Variants in TSPAN5 observed in about 807,000 individuals in gnomAD.
TSPAN5 encodes the protein tetraspanin-5.
TSPAN5 carries 10 observed loss-of-function variants against 37.1 expected under a neutral mutation model. That is an observed-to-expected ratio of 0.27 (90% CI 0.17 to 0.46). TSPAN5 has a LOEUF of 0.46. Among genes scored for constraint, TSPAN5 ranks in the 20% least tolerant of loss-of-function variants. The probability of loss-of-function intolerance (pLI) is 1.00; values close to 1 mark genes in which losing one functional copy is unlikely to be tolerated. For synonymous variants in TSPAN5, 110 were observed against 118.9 expected (o/e 0.93, Z 0.48); for missense variants, 195 against 326.6 (o/e 0.60, Z 3.11).
intron 1 of TSPAN5, among the ~76,000 whole-genome samples, chr4:98,566,155 A>G (rs1578996809): frequency 1.3e-5 from 2 of 152,290 alleles, no homozygotes; most frequent in East Asian, 3.9e-4. Flanking sequence ...AACTGAGATT[A>G]TGAGTCCTTA....
chr4:98,529,952 A>G (rs893309115), intron 1 of TSPAN5, among the ~76,000 whole-genome samples: 4 of 152,248 alleles, frequency 2.6e-5, no homozygotes, highest in Non-Finnish European at 5.9e-5. Context: ...AAGAATCTAC[A>G]CTGCCATAGA....
At chr4:98,572,968 G>C (rs959745549) in intron 1 of TSPAN5, among the ~76,000 whole-genome samples, 4 of 152,142 alleles carry the variant, frequency 2.6e-5, no homozygotes, top group Non-Finnish European at 5.9e-5. Flanking sequence ...CTGTCTCTAA[G>C]TCCTCATAAA....
At chr4:98,494,941 C>A (rs972034910) in intron 2 of TSPAN5, among the ~76,000 whole-genome samples, 1 of 152,046 alleles carries the variant, frequency 6.6e-6, no homozygotes, top group South Asian at 2.1e-4. Flanking sequence ...GAAGCTGAAG[C>A]CAGGAGTAGG....
rs1489321722 is a variant in TSPAN5 at position 98,482,137 on chromosome 4, G to A, written c.318C>T (p.Leu106=). The A allele has an allele frequency of 3.1e-6, 5 of 1,613,918 alleles. No individual in the cohort carries two copies. The highest frequency in any genetic ancestry group is 4.2e-6 in the Non-Finnish European group (5 of 1,180,006). Residue 106 remains leucine (L), a synonymous_variant, in exon 4 of 8, where the codon CTC becomes CTT. Coordinates refer to ENST00000305798, the MANE Select transcript of TSPAN5 (RefSeq NM_005723.4). ...VFLGIIFFLE[L]TAGVLAFVFK... ...AAACAAATGCTAGAACTCCGGCAGT[G>A]AGCTCCAGGAAGAAAATAATTCCCA...
chr4:98,623,835 A>T (rs1297850724), intron 1 of TSPAN5, among the ~76,000 whole-genome samples: 1 of 152,168 alleles, frequency 6.6e-6, no homozygotes, highest in East Asian at 1.9e-4. Flanking sequence ...ACATGCACAC[A>T]TACATATATA....
chr4:98,621,492 C>T (rs1001336253), intron 1 of TSPAN5, among the ~76,000 whole-genome samples: 3 of 151,684 alleles, frequency 2.0e-5, no homozygotes, highest in Non-Finnish European at 4.4e-5. Context: ...CTCAGCCTCC[C>T]GAGTAGCTGG....
intron 1 of TSPAN5, among the ~76,000 whole-genome samples, chr4:98,602,308 CA>C (rs922727155): frequency 7.9e-5 from 12 of 152,156 alleles, no homozygotes; most frequent in Admixed American, 2.6e-4. Context: ...CACAATAAAA[CA>C]AAGCATTCCT....
chr4:98,600,906 A>G (rs1755867991), intron 1 of TSPAN5, among the ~76,000 whole-genome samples: 2 of 152,228 alleles, frequency 1.3e-5, no homozygotes, highest in African/African-American at 4.8e-5. Context: ...TTCTTAAATA[A>G]TAAGACTTGA....
intron 1 of TSPAN5, among the ~76,000 whole-genome samples, chr4:98,536,539 C>T (rs1754237648): frequency 6.6e-6 from 1 of 152,208 alleles, no homozygotes; most frequent in African/African-American, 2.4e-5. Context: ...CTGGGAGGTC[C>T]GCTGCTCTCT....
At chr4:98,492,933 A>G (rs1369530785) in intron 2 of TSPAN5, among the ~76,000 whole-genome samples, 1 of 152,160 alleles carries the variant, frequency 6.6e-6, no homozygotes, top group Non-Finnish European at 1.5e-5. Context: ...AAATCAATAC[A>G]TTGGGAGGCC....
chr4:98,580,855 GGACAAGGCT>G (rs139471518), intron 1 of TSPAN5, among the ~76,000 whole-genome samples: 5,227 of 152,188 alleles, frequency 0.034, 138 homozygotes, highest in East Asian at 0.076. Context: ...GGGCTACAAA[GGACAAGGCT>G]GACAGAGTCT....
rs960790899 is a variant in TSPAN5, at chr4:98,658,372, G to C, written c.-146C>G. The C allele has an allele frequency of 1.6e-5, 9 of 570,450 alleles. No individual in the cohort carries two copies. In the African/African-American group the frequency reaches 1.8e-4, roughly 11 times the overall value. The allele number at this position is 570,450 out of a possible 1,614,324, so 35.3% of individuals were successfully genotyped here. ...GGCGGCCTGGGCTCAGCCGCGCGGG[G>C]ACCGACCGGCGGAGAGCGGCTCCCG... On this transcript the variant is annotated 5_prime_UTR_variant, in exon 1 of 8. Coordinates refer to ENST00000305798, the MANE Select transcript of TSPAN5 (RefSeq NM_005723.4).
At chr4:98,535,438 G>A (rs1334389512) in intron 1 of TSPAN5, among the ~76,000 whole-genome samples, 2 of 152,100 alleles carry the variant, frequency 1.3e-5, no homozygotes, top group Admixed American at 1.3e-4. Context: ...TGGGTAACCT[G>A]ACCTTTCTCT....
chr4:98,562,622 C>T (rs1486064961), intron 1 of TSPAN5, among the ~76,000 whole-genome samples: 1 of 152,126 alleles, frequency 6.6e-6, no homozygotes, highest in South Asian at 2.1e-4. Context: ...GATCGCGCCA[C>T]TGCACTCCAG....
At chr4:98,545,365 T>C (rs762367564) in intron 1 of TSPAN5, among the ~76,000 whole-genome samples, 1 of 152,250 alleles carries the variant, frequency 6.6e-6, no homozygotes, top group African/African-American at 2.4e-5. Context: ...CGTCAATCAG[T>C]AAATTCCTAT....
At chr4:98,540,175 A>G (rs926655843) in intron 1 of TSPAN5, among the ~76,000 whole-genome samples, 1 of 152,238 alleles carries the variant, frequency 6.6e-6, no homozygotes, top group Non-Finnish European at 1.5e-5. Context: ...ATAGCAATAG[A>G]TAACTCATAC....
intron 2 of TSPAN5, among the ~76,000 whole-genome samples, chr4:98,505,080 C>T (rs1232042249): frequency 1.3e-5 from 2 of 152,050 alleles, no homozygotes; most frequent in Non-Finnish European, 2.9e-5. Context: ...ACCTAATTAC[C>T]TCCCCGCCAA....
Position 98,472,348 on chromosome 4 carries a change from T to C in TSPAN5, c.*174A>G. On this transcript the variant is annotated 3_prime_UTR_variant, in exon 8 of 8. Transcript: ENST00000305798. The stretch of plus-strand genomic sequence containing the variant: ...CATACTGGTTATTTTTTTTTTTAAT[T>C]CTGTCAGTGAGCAGCATTTCCCAGT... The C allele has an allele frequency of 2.1e-6, 1 of 484,046 alleles. No homozygotes were observed. The highest frequency in any genetic ancestry group is 3.6e-6 in the Non-Finnish European group (1 of 276,400). The allele number at this position is 484,046 out of a possible 1,614,324, so 30.0% of individuals were successfully genotyped here.
At chr4:98,575,093 C>T (rs1168769191) in intron 1 of TSPAN5, among the ~76,000 whole-genome samples, 5 of 152,082 alleles carry the variant, frequency 3.3e-5, no homozygotes, top group Admixed American at 6.6e-5. Context: ...TTGTGAATCC[C>T]CTCTGCAAGG....
Sources: allele counts gnomAD v4.1 joint callset (sites outside exome capture counted in the v4.1 genomes callset), GRCh38; gene constraint gnomAD v4.1.1; transcripts MANE v1.5; gene names NCBI Gene and HGNC (gene_info 2026-07-23, HGNC 2026-07-21).